MPPED2: variants seen among roughly 807,000 people sequenced by gnomAD.
MPPED2 encodes metallophosphoesterase MPPED2.
Under a neutral mutation model 33.0 loss-of-function variants are expected in MPPED2, and 5 were observed. The ratio of observed to expected loss-of-function variants is 0.15; its 90% CI spans 0.08 to 0.32. The LOEUF (loss-of-function observed/expected upper bound fraction) is 0.32. MPPED2 is among the 10% of genes least tolerant of loss of function. The pLI is 1.00. For missense variants in MPPED2, 275 were observed against 372.1 expected (o/e 0.74, Z 2.15); for synonymous variants, 136 against 141.9 (o/e 0.96, Z 0.29).
chr11:30,409,597 G>A (rs681281), downstream of MPPED2, among the ~76,000 whole-genome samples: 149,046 of 152,330 alleles, frequency 0.98, 72,941 homozygotes, highest in East Asian at 1. Flanking sequence ...CAGAAATTGC[G>A]CCAAAGGATC....
At position 30,555,092 on chromosome 11, in the gene MPPED2, T is replaced by C. The variant is rs111513176; in HGVS notation, c.129-18917A>G. ...ACAGGACAAACTATTCTCACTCAAC[T>C]ACAAATTATTTTCCTAATGTTGGAC... On this transcript the variant is annotated intron_variant, in intron 2 of 6. Transcript: ENST00000358117. Among the ~76,000 whole-genome samples, 344 of 152,310 alleles carry C rather than the reference T, an allele frequency of 2.3e-3. 5 individuals carry two copies. Among genetic ancestry groups the C allele is most frequent in the African/African-American group, 7.8e-3 (325 of 41,570 alleles).
intron 3 of MPPED2, among the ~76,000 whole-genome samples, chr11:30,513,875 T>A (rs1017060559): frequency 6.9e-6 from 1 of 145,108 alleles, no homozygotes; most frequent in Non-Finnish European, 1.5e-5. Context: ...AAACAAGGCA[T>A]GATATTTTAA....
intron 4 of MPPED2, among the ~76,000 whole-genome samples, chr11:30,432,937 A>T (rs1237701202): frequency 1.3e-5 from 2 of 152,232 alleles, no homozygotes; most frequent in Non-Finnish European, 2.9e-5. Context: ...ACAATGTTAG[A>T]ACAATGTGAA....
chr11:30,458,424 G>C (rs1290456341), intron 4 of MPPED2, among the ~76,000 whole-genome samples: 1 of 152,170 alleles, frequency 6.6e-6, no homozygotes, highest in African/African-American at 2.4e-5. Flanking sequence ...ACACAGAGCA[G>C]AATGCACTTG....
chr11:30,386,954 G>A (rs16925538), exon 7 of MPPED2: 13,771 of 390,568 alleles, frequency 0.035, 847 homozygotes, highest in African/African-American at 0.18. Context: ...CCACAGTCCC[G>A]CAAAGTAAGC....
intron 1 of MPPED2, among the ~76,000 whole-genome samples, chr11:30,583,749 ACT>A (rs2134958205): frequency 6.6e-6 from 1 of 152,016 alleles, no homozygotes; most frequent in East Asian, 1.9e-4. Context: ...CAAAGCAACA[ACT>A]CATGACCTCT....
chr11:30,572,701 T>C (rs1956757147), intron 2 of MPPED2, among the ~76,000 whole-genome samples: 1 of 152,132 alleles, frequency 6.6e-6, no homozygotes, highest in African/African-American at 2.4e-5. Flanking sequence ...TAAGTGCCAT[T>C]TTACAGAGTC....
chr11:30,431,853 AAGAC>A (rs1436432601), intron 4 of MPPED2, among the ~76,000 whole-genome samples: 9 of 152,222 alleles, frequency 5.9e-5, no homozygotes, highest in African/African-American at 2.2e-4. Context: ...TAACTCATAA[AAGAC>A]AGACTGCATT....
At chr11:30,435,729 C>T (rs1949294473) in intron 4 of MPPED2, among the ~76,000 whole-genome samples, 1 of 152,156 alleles carries the variant, frequency 6.6e-6, no homozygotes, top group African/African-American at 2.4e-5. Flanking sequence ...CTGGAATTTC[C>T]AGCTCTGCCT....
intron 4 of MPPED2, among the ~76,000 whole-genome samples, chr11:30,447,777 C>T (rs1053026768): frequency 2.0e-5 from 3 of 152,096 alleles, no homozygotes; most frequent in African/African-American, 7.2e-5. Context: ...CAGAATGAAT[C>T]TTTACTTCAA....
At chr11:30,424,413 G>A (rs565072397) in intron 4 of MPPED2, among the ~76,000 whole-genome samples, 9 of 152,028 alleles carry the variant, frequency 5.9e-5, no homozygotes, top group East Asian at 1.9e-4. Context: ...AGCCGCCATC[G>A]GCCCCTCTCC....
intron 2 of MPPED2, among the ~76,000 whole-genome samples, chr11:30,552,802 A>C (rs1014583300): frequency 6.6e-6 from 1 of 152,156 alleles, no homozygotes; most frequent in Non-Finnish European, 1.5e-5. Flanking sequence ...ATTTCTAGAC[A>C]CACAGCCCTA....
intron 2 of MPPED2, among the ~76,000 whole-genome samples, chr11:30,566,165 C>T (rs1425242851): frequency 5.9e-5 from 9 of 152,132 alleles, no homozygotes; most frequent in African/African-American, 1.4e-4. Context: ...GCAGTTGTCA[C>T]GTTCCAGGTA....
rs1299473379 is a variant in MPPED2, at chr11:30,495,498, T to C, written c.334A>G (p.Ile112Val). 2 of 1,613,824 alleles carry C rather than the reference T, an allele frequency of 1.2e-6. No individual in the cohort carries two copies. Among genetic ancestry groups the C allele is most frequent in the African/African-American group, 1.3e-5 (1 of 74,910 alleles). ...AGTTCATGATTCCCAGCAATCACTA[T>C]TTTATATTCATATGGCAGGTTTCCT... ...WLGNLPYEYK[I>V]VIAGNHELTF... The change falls in exon 4 of 7, where the codon ATA becomes GTA. Residue 112 changes from isoleucine to valine, a missense_variant. By Grantham distance (29) the Ile-to-Val change is conservative. Transcript: ENST00000358117.
chr11:30,436,453 C>T (rs1590257165), intron 4 of MPPED2, among the ~76,000 whole-genome samples: 3 of 152,058 alleles, frequency 2.0e-5, no homozygotes, highest in Non-Finnish European at 4.4e-5. Flanking sequence ...GCACTGTTGC[C>T]GGGGTTAAGA....
rs547796949 is a variant in MPPED2, at chr11:30,436,982, G to A, written c.537-19349C>T. Among the ~76,000 whole-genome samples, 3 of 152,300 alleles carry A rather than the reference G, an allele frequency of 2.0e-5. No homozygotes were observed. In the South Asian group the frequency reaches 6.2e-4, roughly 32 times the overall value. ...CTGGTTGGTGAATGCCGTGATGGCT[G>A]TCACCTCCCTGAAACTGCCTGGGCT... is the stretch of plus-strand genomic sequence containing the variant. On this transcript the variant is annotated intron_variant, in intron 4 of 6. Transcript: ENST00000358117.
intron 6 of MPPED2, among the ~76,000 whole-genome samples, chr11:30,395,438 A>ACCTT (rs375122352): frequency 7.9e-5 from 12 of 152,250 alleles, no homozygotes; most frequent in African/African-American, 1.2e-4. Context: ...CAAGTTCATA[A>ACCTT]CCTTCCTACT....
At position 30,410,807 on chromosome 11, in the gene MPPED2, A is replaced by AAGCTG; in HGVS notation, c.*656_*660dup. ...GACAGATTCCATTTCTGTATTTTTA[A>AAGCTG]AGCTGAAATAATTTAAAAGAAACAA... On this transcript the variant is annotated 3_prime_UTR_variant, in exon 7 of 7. Coordinates refer to ENST00000358117, the MANE Select transcript of MPPED2 (RefSeq NM_001584.3). 1.0e-6 allele frequency: 1 copy of AAGCTG among 985,772 alleles called. No homozygotes were observed. The highest frequency in any genetic ancestry group is 1.2e-6 in the Non-Finnish European group (1 of 829,842). 61.1% of individuals were successfully genotyped at this position (985,772 alleles called of 1,614,324 possible). A position where few individuals can be genotyped will look rare whatever the true frequency, so the allele number is the denominator to read the frequency against.
At chr11:30,474,940 C>G (rs1182139769) in intron 4 of MPPED2, among the ~76,000 whole-genome samples, 1 of 152,130 alleles carries the variant, frequency 6.6e-6, no homozygotes, top group African/African-American at 2.4e-5. Flanking sequence ...AACTGCATAA[C>G]TTGACAGATT....
Sources: gnomAD v4.1 joint callset for allele counts (sites outside exome capture counted in the v4.1 genomes callset) on GRCh38, gnomAD v4.1.1 for gene constraint, MANE v1.5 for transcripts, NCBI Gene and HGNC (gene_info 2026-07-23, HGNC 2026-07-21) for gene names.